LRRC7: variants seen among roughly 807,000 people sequenced by gnomAD.
LRRC7 encodes leucine-rich repeat-containing protein 7.
A neutral mutation model predicts 175.7 loss-of-function variants in LRRC7; 23 were observed. That is an observed-to-expected ratio of 0.13 (90% CI 0.09 to 0.19). The LOEUF is 0.19. Ranked by LOEUF, LRRC7 falls within the 10% of genes least tolerant of loss-of-function variation. LRRC7 has a pLI of 1.00. For missense variants in LRRC7, 1,354 were observed against 1,904.7 expected, an observed-to-expected ratio of 0.71 and a Z score of 5.38; for synonymous variants, 685 against 680.9, an observed-to-expected ratio of 1.01 and a Z score of -0.09.
At chr1:69,988,395 C>T (rs1437321397) in intron 10 of LRRC7, among the ~76,000 whole-genome samples, 1 of 151,982 alleles carries the variant, frequency 6.6e-6, no homozygotes, top group Non-Finnish European at 1.5e-5. Context: ...CATAGCAAGA[C>T]TCCATCTCTG....
At chr1:69,789,209 G>T (rs1484346028) in intron 3 of LRRC7, among the ~76,000 whole-genome samples, 1 of 151,876 alleles carries the variant, frequency 6.6e-6, no homozygotes, top group Non-Finnish European at 1.5e-5. Context: ...GAGTTAAATT[G>T]CTTCCTTTAG....
At chr1:69,835,078 T>C (rs889669402) in intron 6 of LRRC7, among the ~76,000 whole-genome samples, 1 of 151,714 alleles carries the variant, frequency 6.6e-6, no homozygotes, top group Admixed American at 6.6e-5. Flanking sequence ...GTCAAATAAA[T>C]TCTAGATGAA....
chr1:69,944,477 A>G (rs1275075710), intron 8 of LRRC7, among the ~76,000 whole-genome samples: 1 of 152,126 alleles, frequency 6.6e-6, no homozygotes, highest in East Asian at 1.9e-4. Context: ...ATACATAAGG[A>G]CAAATTTTTT....
intron 7 of LRRC7, among the ~76,000 whole-genome samples, chr1:69,909,491 G>C (rs112467890): frequency 0.018 from 2,780 of 152,154 alleles, 81 homozygotes; most frequent in African/African-American, 0.061. Context: ...GCCAGCATTT[G>C]CTTGTCTGTA....
chr1:69,712,444 A>G (rs990487995), intron 2 of LRRC7, among the ~76,000 whole-genome samples: 23 of 152,134 alleles, frequency 1.5e-4, no homozygotes, highest in African/African-American at 5.6e-4. Context: ...TCTCTACTAA[A>G]AATAGAAAAA....
chr1:70,055,169 T>C lies in LRRC7; in HGVS notation c.4230+2024T>C, dbSNP rs1661051919. ...TAATATGATGTGGTTAATGCTAAGA[T>C]GGGATACAGGGCTATGACAGTACCT... On this transcript the variant is annotated intron_variant, in intron 23 of 26. Coordinates refer to ENST00000651989, the MANE Select transcript of LRRC7 (RefSeq NM_001370785.2). 2.0e-5 allele frequency among the ~76,000 whole-genome samples: 3 copies of C among 152,136 alleles called. No individual in the cohort carries two copies. The South Asian group carries it at 6.2e-4, about 32-fold the overall frequency.
At chr1:70,115,596 A>G in intron 26 of LRRC7, among the ~76,000 whole-genome samples, 1 of 152,204 alleles carries the variant, frequency 6.6e-6, no homozygotes, top group Non-Finnish European at 1.5e-5. Flanking sequence ...GAAAATGTGC[A>G]TCAAATGCCC....
chr1:69,884,633 C>A (rs1686980346), intron 7 of LRRC7, among the ~76,000 whole-genome samples: 1 of 137,992 alleles, frequency 7.2e-6, no homozygotes, highest in African/African-American at 3.0e-5. Context: ...ATTGCCCTGG[C>A]CAGAACTTCC....
In LRRC7 at chr1:70,139,762, G is replaced by A. The variant is rs998513640; in HGVS notation, c.*17875G>A. 1 of 152,064 alleles carries A rather than the reference G, an allele frequency of 6.6e-6. No homozygotes were observed. Among genetic ancestry groups the A allele is most frequent in the Non-Finnish European group, 1.5e-5 (1 of 68,002 alleles). The allele number at this position is 152,064 out of a possible 1,614,324, so 9.4% of individuals were successfully genotyped here. ...GTTTTCAGGAAAGCTTCGGAGACACGGCAGGTACAGTCTCCTTAGAGCCTT... is the reference window on the plus strand; with the variant it reads ...GTTTTCAGGAAAGCTTCGGAGACACAGCAGGTACAGTCTCCTTAGAGCCTT... On this transcript the variant is annotated 3_prime_UTR_variant, in exon 27 of 27. Coordinates refer to ENST00000651989, the MANE Select transcript of LRRC7 (RefSeq NM_001370785.2).
intron 22 of LRRC7, among the ~76,000 whole-genome samples, chr1:70,045,686 A>G (rs763126321): frequency 6.6e-6 from 1 of 152,200 alleles, no homozygotes; most frequent in Admixed American, 6.5e-5. Flanking sequence ...TAATAAAGAC[A>G]TACCCAAGAC....
chr1:69,803,000 G>A (rs1385849747), intron 4 of LRRC7, among the ~76,000 whole-genome samples: 3 of 151,162 alleles, frequency 2.0e-5, no homozygotes, highest in Admixed American at 6.6e-5. Flanking sequence ...GTGAATAGAT[G>A]ACTGATTGTT....
At chr1:69,870,110 T>TG (rs1685368126) in intron 7 of LRRC7, among the ~76,000 whole-genome samples, 1 of 152,112 alleles carries the variant, frequency 6.6e-6, no homozygotes, top group Middle Eastern at 3.2e-3. Flanking sequence ...CAGAGAGCAG[T>TG]GGGGCAATGA....
chr1:70,082,297 T>C (rs1374730869), intron 24 of LRRC7, among the ~76,000 whole-genome samples: 3 of 152,222 alleles, frequency 2.0e-5, no homozygotes, highest in Admixed American at 6.5e-5. Flanking sequence ...GGTATTAATG[T>C]AGTTTTAATC....
intron 2 of LRRC7, among the ~76,000 whole-genome samples, chr1:69,714,831 C>T (rs1665165787): frequency 6.6e-6 from 1 of 151,976 alleles, no homozygotes; most frequent in Non-Finnish European, 1.5e-5. Context: ...GCATTTTTAT[C>T]ACGTTAAAAC....
chr1:69,715,218 C>G (rs1279396054), intron 2 of LRRC7, among the ~76,000 whole-genome samples: 1 of 152,084 alleles, frequency 6.6e-6, no homozygotes, highest in Non-Finnish European at 1.5e-5. Flanking sequence ...TTAAGACATA[C>G]CAGGCCCTGC....
chr1:69,786,085 G>A (rs1674377248), intron 3 of LRRC7, among the ~76,000 whole-genome samples: 1 of 151,948 alleles, frequency 6.6e-6, no homozygotes, highest in African/African-American at 2.4e-5. Flanking sequence ...TATATTTAGT[G>A]ATTTTTTTAA....
intron 1 of LRRC7, among the ~76,000 whole-genome samples, chr1:69,630,152 C>A (rs942210781): frequency 2.0e-5 from 3 of 151,972 alleles, no homozygotes; most frequent in African/African-American, 7.3e-5. Context: ...TCTCTATTTT[C>A]TTGTTCCTTC....
intron 5 of LRRC7, among the ~76,000 whole-genome samples, chr1:69,827,137 G>C (rs1250329131): frequency 6.6e-6 from 1 of 152,120 alleles, no homozygotes; most frequent in Non-Finnish European, 1.5e-5. Context: ...AGACCAAAAT[G>C]CAATTTTTTC....
At chr1:69,956,836 G>A (rs1650543567) in intron 8 of LRRC7, among the ~76,000 whole-genome samples, 1 of 151,494 alleles carries the variant, frequency 6.6e-6, no homozygotes, top group South Asian at 2.1e-4. Context: ...CTCTAATAGT[G>A]TTTAAAAATT....
Sources: gnomAD v4.1 joint callset for allele counts (sites outside exome capture counted in the v4.1 genomes callset) on GRCh38, gnomAD v4.1.1 for gene constraint, MANE v1.5 for transcripts, NCBI Gene and HGNC (gene_info 2026-07-23, HGNC 2026-07-21) for gene names.